The following UVRAG variants were observed in gnomAD, a reference collection of about 807,000 sequenced individuals.
UVRAG encodes the protein UV radiation resistance-associated gene protein.
Under a neutral mutation model 78.0 loss-of-function variants are expected in UVRAG, and 19 were observed. That is an observed-to-expected ratio of 0.24 (90% CI 0.17 to 0.36). The LOEUF (loss-of-function observed/expected upper bound fraction) is 0.36. Among genes scored for constraint, UVRAG ranks in the 10% least tolerant of loss-of-function variants. The pLI is 1.00. For missense variants in UVRAG, 740 were observed against 853.8 expected, an observed-to-expected ratio of 0.87 and a Z score of 1.66; for synonymous variants, 323 against 324.6, an observed-to-expected ratio of 1.00 and a Z score of 0.05.
At chr11:75,945,823 C>T (rs925124486) in intron 6 of UVRAG, among the ~76,000 whole-genome samples, 1 of 151,984 alleles carries the variant, frequency 6.6e-6, no homozygotes, top group Non-Finnish European at 1.5e-5. Context: ...TTGCTTTTGT[C>T]TGGAATATCT....
chr11:76,041,077 C>G (rs996820135), intron 12 of UVRAG, among the ~76,000 whole-genome samples: 1 of 152,026 alleles, frequency 6.6e-6, no homozygotes, highest in South Asian at 2.1e-4. Context: ...AAAAAAAATT[C>G]CAATGCAAGA....
At chr11:76,118,418 A>AG (rs1952223087) in intron 14 of UVRAG, among the ~76,000 whole-genome samples, 1 of 152,222 alleles carries the variant, frequency 6.6e-6, no homozygotes, top group Non-Finnish European at 1.5e-5. Flanking sequence ...ATTACAGAAC[A>AG]GGAGCAGTGA....
chr11:75,857,698 C>A (rs1261488013), intron 2 of UVRAG, among the ~76,000 whole-genome samples: 1 of 151,820 alleles, frequency 6.6e-6, no homozygotes, highest in Non-Finnish European at 1.5e-5. Flanking sequence ...CCATGTTGGC[C>A]AGTATGGTCT....
At chr11:75,977,234 C>G (rs1236253755) in intron 7 of UVRAG, among the ~76,000 whole-genome samples, 1 of 152,094 alleles carries the variant, frequency 6.6e-6, no homozygotes, top group Admixed American at 6.5e-5. Context: ...GTCTGAGAGA[C>G]AGTTTGTTAT....
chr11:75,958,228 A>G (rs1020200293), intron 6 of UVRAG, among the ~76,000 whole-genome samples: 2 of 152,272 alleles, frequency 1.3e-5, no homozygotes, highest in South Asian at 2.1e-4. Context: ...GAAGTTTGAC[A>G]TATCAGTTGA....
intron 7 of UVRAG, among the ~76,000 whole-genome samples, chr11:75,976,080 C>T (rs1273658156): frequency 3.3e-5 from 5 of 152,180 alleles, no homozygotes; most frequent in Admixed American, 6.5e-5. Flanking sequence ...GCATGAAGGG[C>T]TGTTGAATTT....
chr11:76,128,475 G>T (rs924181819), intron 14 of UVRAG, among the ~76,000 whole-genome samples: 1 of 152,168 alleles, frequency 6.6e-6, no homozygotes. Context: ...CTTCTGGATC[G>T]AATGCACTGT....
chr11:76,053,927 G>A (rs1369001494), intron 12 of UVRAG, among the ~76,000 whole-genome samples: 9 of 139,550 alleles, frequency 6.4e-5, no homozygotes, highest in African/African-American at 2.4e-4. Context: ...CCGAGATTGC[G>A]CCACTGCACT....
intron 11 of UVRAG, among the ~76,000 whole-genome samples, chr11:76,013,354 G>T (rs988876422): frequency 6.6e-6 from 1 of 152,164 alleles, no homozygotes; most frequent in African/African-American, 2.4e-5. Flanking sequence ...TTAAAAGTTT[G>T]TTGGAATTAG....
At chr11:75,817,423 A>G (rs1945283098) in intron 1 of UVRAG, among the ~76,000 whole-genome samples, 1 of 152,150 alleles carries the variant, frequency 6.6e-6, no homozygotes, top group Admixed American at 6.5e-5. Context: ...GTGTTTGTGA[A>G]ATTTTTGGAT....
intron 1 of UVRAG, among the ~76,000 whole-genome samples, chr11:75,848,513 G>A (rs1946083377): frequency 6.6e-6 from 1 of 152,194 alleles, no homozygotes; most frequent in South Asian, 2.1e-4. Context: ...TATCTTGGAG[G>A]TGGTCGTGCT....
chr11:76,073,124 A>G (rs114681316), intron 13 of UVRAG, among the ~76,000 whole-genome samples: 1 of 152,294 alleles, frequency 6.6e-6, no homozygotes, highest in African/African-American at 2.4e-5. Context: ...AATGTCCTTA[A>G]TGAAGCAGTA....
rs559030615 is a variant in UVRAG, at chr11:76,060,757, C to T, written c.1227-4953C>T. On this transcript the variant is annotated intron_variant, in intron 12 of 14. Transcript: ENST00000356136. ...GGGTCCCCCAGCAGTGCCAGCACAC[C>T]GGCGCTGCACTCGATTTCTCGCCAG... 1.2e-4 allele frequency among the ~76,000 whole-genome samples: 18 copies of T among 152,338 alleles called. No homozygotes were observed. The South Asian group carries it at 1.7e-3, about 14-fold the overall frequency.
intron 6 of UVRAG, among the ~76,000 whole-genome samples, chr11:75,914,042 A>C (rs147771600): frequency 6.0e-4 from 91 of 152,320 alleles, no homozygotes; most frequent in African/African-American, 2.0e-3. Flanking sequence ...CCTAAACCAG[A>C]TCACGTGACT....
At chr11:76,032,575 G>C (rs965266241) in intron 12 of UVRAG, among the ~76,000 whole-genome samples, 1 of 152,192 alleles carries the variant, frequency 6.6e-6, no homozygotes, top group African/African-American at 2.4e-5. Flanking sequence ...AAAGTTACCT[G>C]GCTCTGAACT....
At chr11:75,964,390 G>A (rs558895577) in intron 7 of UVRAG, among the ~76,000 whole-genome samples, 1 of 152,222 alleles carries the variant, frequency 6.6e-6, no homozygotes, top group Non-Finnish European at 1.5e-5. Flanking sequence ...TTGTGGGAAG[G>A]TTTTTGAACT....
intron 6 of UVRAG, among the ~76,000 whole-genome samples, chr11:75,944,730 G>A (rs545314031): frequency 2.0e-4 from 31 of 152,188 alleles, no homozygotes; most frequent in Non-Finnish European, 3.4e-4. Flanking sequence ...ATTGCGTAAC[G>A]GAATTAGTAA....
intron 3 of UVRAG, among the ~76,000 whole-genome samples, chr11:75,862,654 G>A (rs1946448081): frequency 6.6e-6 from 1 of 152,198 alleles, no homozygotes; most frequent in Non-Finnish European, 1.5e-5. Flanking sequence ...TCTCAGCTAT[G>A]TCACTTCAGC....
chr11:75,861,956 T>C (rs771371500), intron 3 of UVRAG, among the ~76,000 whole-genome samples, 176 bp downstream of exon 3: 20 of 152,190 alleles, frequency 1.3e-4, no homozygotes, highest in Non-Finnish European at 2.8e-4. Context: ...GCTTATGTAG[T>C]AGGTGCTTGA....
Sources: allele counts gnomAD v4.1 joint callset (sites outside exome capture counted in the v4.1 genomes callset), GRCh38; gene constraint gnomAD v4.1.1; transcripts MANE v1.5; gene names NCBI Gene and HGNC (gene_info 2026-07-23, HGNC 2026-07-21).